SHANK2: variants seen among roughly 807,000 people sequenced by gnomAD.
SHANK2 encodes SH3 and multiple ankyrin repeat domains protein 2.
A neutral mutation model predicts 133.7 loss-of-function variants in SHANK2; 43 were observed. That is an observed-to-expected ratio of 0.32 (90% confidence interval 0.25 to 0.41). The LOEUF is 0.41. Ranked by LOEUF, SHANK2 falls within the 10% of genes least tolerant of loss-of-function variation. The pLI, the probability that SHANK2 is intolerant of heterozygous loss-of-function variation, is 1.00. For missense variants in SHANK2, 1,994 were observed against 2,235.8 expected (o/e 0.89, Z 2.18); for synonymous variants, 1,017 against 952.8 (o/e 1.07, Z -1.24).
At chr11:70,856,279 C>T (rs1949170494) in intron 11 of SHANK2, among the ~76,000 whole-genome samples, 1 of 150,476 alleles carries the variant, frequency 6.6e-6, no homozygotes, top group Non-Finnish European at 1.5e-5. Flanking sequence ...AATAAGTGGG[C>T]AAGTGAATGC....
At chr11:70,955,498 C>T (rs1305851495) in intron 10 of SHANK2, among the ~76,000 whole-genome samples, 2 of 151,300 alleles carry the variant, frequency 1.3e-5, no homozygotes, top group African/African-American at 2.4e-5. Flanking sequence ...TATATTTACA[C>T]ATATATTTGT....
chr11:71,132,116 A>G (rs1291914599), intron 3 of SHANK2, among the ~76,000 whole-genome samples: 4 of 152,328 alleles, frequency 2.6e-5, no homozygotes, highest in African/African-American at 9.6e-5. Flanking sequence ...CGGGACGCAG[A>G]TGCTGCTCAG....
chr11:70,848,226 A>G (rs1949026473), intron 11 of SHANK2, among the ~76,000 whole-genome samples: 1 of 152,222 alleles, frequency 6.6e-6, no homozygotes, highest in Non-Finnish European at 1.5e-5. Flanking sequence ...TTTTATGTGA[A>G]ATCTCCTGAT....
intron 2 of SHANK2, among the ~76,000 whole-genome samples, chr11:71,163,932 T>C (rs77198568): frequency 0.037 from 5,580 of 152,304 alleles, 164 homozygotes; most frequent in East Asian, 0.16. Flanking sequence ...CAGGTTTAGG[T>C]GTATAGGAAA....
At position 70,487,868 on chromosome 11, in the gene SHANK2, G is replaced by C. The variant is rs1319487296; in HGVS notation, c.2573-148C>G. ...GAAACACAGCACAAGCCACGATGCC[G>C]AGTGGTTAGTCACATGGCCCGTCGT... is the stretch of plus-strand genomic sequence containing the variant. On this transcript the variant is annotated intron_variant, in intron 24 of 25. Coordinates refer to ENST00000601538, the MANE Select transcript of SHANK2 (RefSeq NM_012309.5). The surrounding 1 kb of genome is among the most constrained non-coding windows in gnomAD (Gnocchi z 5.8). 6.1e-6 allele frequency: 9 copies of C among 1,471,798 alleles called. No homozygotes were observed. In the Admixed American group the frequency reaches 7.9e-5, roughly 13 times the overall value. 91.2% of individuals were successfully genotyped at this position (1,471,798 alleles called of 1,614,324 possible). A position where few individuals can be genotyped will look rare whatever the true frequency, so the allele number is the denominator to read the frequency against.
intron 10 of SHANK2, among the ~76,000 whole-genome samples, chr11:70,926,993 T>C (rs1945052122): frequency 6.6e-6 from 1 of 152,132 alleles, no homozygotes; most frequent in Admixed American, 6.5e-5. Context: ...CTGGGTCCCT[T>C]TCCACCTGCT....
At chr11:70,495,987 C>CAGGCTATGGTAAGCTCAG (rs1227015669) in intron 21 of SHANK2, 1 of 153,542 alleles carries the variant, frequency 6.5e-6, no homozygotes, top group African/African-American at 2.4e-5. Flanking sequence ...GCCTGACTTC[C>CAGGCTATGGTAAGCTCAG]AGGCTATGGT....
intron 11 of SHANK2, among the ~76,000 whole-genome samples, chr11:70,821,574 C>T (rs554152593): frequency 2.6e-5 from 4 of 152,026 alleles, no homozygotes; most frequent in African/African-American, 4.8e-5. Context: ...TACAGGTGCC[C>T]GCCACCACGC....
intron 17 of SHANK2, among the ~76,000 whole-genome samples, chr11:70,621,496 C>T (rs1438092963): frequency 6.6e-6 from 1 of 152,218 alleles, no homozygotes; most frequent in Non-Finnish European, 1.5e-5. Context: ...AAAGGCTGTG[C>T]CCCTACAGCA....
intron 14 of SHANK2, among the ~76,000 whole-genome samples, chr11:70,791,461 G>C (rs915668694): frequency 6.6e-6 from 1 of 152,218 alleles, no homozygotes; most frequent in Admixed American, 6.5e-5. Context: ...TGCATGCAAA[G>C]AAGTGAGATT....
intron 14 of SHANK2, among the ~76,000 whole-genome samples, chr11:70,710,131 C>T (rs1215378756): frequency 1.1e-4 from 16 of 152,114 alleles, no homozygotes; most frequent in African/African-American, 2.7e-4. Flanking sequence ...GAGATGAACG[C>T]GATTTTAGGG....
At chr11:71,181,830 C>G in intron 2 of SHANK2, among the ~76,000 whole-genome samples, 1 of 151,596 alleles carries the variant, frequency 6.6e-6, no homozygotes, top group African/African-American at 2.4e-5. Context: ...AGCCCCCCCT[C>G]CCCCGCCAAC....
chr11:71,140,318 T>A (rs533576784), intron 3 of SHANK2, among the ~76,000 whole-genome samples: 120 of 152,268 alleles, frequency 7.9e-4, no homozygotes, highest in African/African-American at 2.9e-3. Flanking sequence ...TGCTGTAGGT[T>A]AAATCTGGGC....
At chr11:71,138,988 G>A (rs1176174114) in intron 3 of SHANK2, among the ~76,000 whole-genome samples, 3 of 152,108 alleles carry the variant, frequency 2.0e-5, no homozygotes, top group Non-Finnish European at 2.9e-5. Flanking sequence ...TGTACAGGCG[G>A]GGAGAGAGGG....
At chr11:70,607,512 G>A (rs1343740703) in intron 17 of SHANK2, among the ~76,000 whole-genome samples, 1 of 152,232 alleles carries the variant, frequency 6.6e-6, no homozygotes, top group Non-Finnish European at 1.5e-5. Context: ...CCCAGCACCT[G>A]CACGCACACA....
At chr11:70,732,399 C>T (rs1367663988) in intron 14 of SHANK2, among the ~76,000 whole-genome samples, 9 of 152,290 alleles carry the variant, frequency 5.9e-5, no homozygotes, top group Non-Finnish European at 1.0e-4. Flanking sequence ...GACCAGTCTC[C>T]CCACTTCTCT....
At chr11:70,579,221 G>A (rs2060154100) in intron 17 of SHANK2, among the ~76,000 whole-genome samples, 1 of 152,198 alleles carries the variant, frequency 6.6e-6, no homozygotes, top group Admixed American at 6.5e-5. Flanking sequence ...TGCTGGGCGT[G>A]GGGCATCATA....
chr11:70,718,155 A>G (rs1555027933), intron 14 of SHANK2, among the ~76,000 whole-genome samples: 1 of 152,154 alleles, frequency 6.6e-6, no homozygotes, highest in Non-Finnish European at 1.5e-5. Context: ...TAGCAGGGAG[A>G]GGCAGTGATT....
At chr11:70,685,278 C>A (rs1892870) in intron 15 of SHANK2, among the ~76,000 whole-genome samples, 1 of 152,170 alleles carries the variant, frequency 6.6e-6, no homozygotes, top group Non-Finnish European at 1.5e-5. Flanking sequence ...CTCCTCCTGC[C>A]GCCCAGAAAA....
Sources: allele counts gnomAD v4.1 joint callset (sites outside exome capture counted in the v4.1 genomes callset), GRCh38; gene constraint gnomAD v4.1.1; non-coding constraint Gnocchi (gnomAD v3.1); transcripts MANE v1.5; gene names NCBI Gene and HGNC (gene_info 2026-07-23, HGNC 2026-07-21).